CPXM2: variants seen among roughly 807,000 people sequenced by gnomAD.
CPXM2 encodes carboxypeptidase X, M14 family member 2.
In CPXM2, 66 loss-of-function variants were observed where a neutral mutation model predicts 86.1. That is an observed-to-expected ratio of 0.77 (90% CI 0.63 to 0.94). The LOEUF is 0.94. Among genes scored for constraint, CPXM2 ranks in the 40% least tolerant of loss-of-function variants. The probability of loss-of-function intolerance (pLI) is 0.00; values close to 1 mark genes in which losing one functional copy is unlikely to be tolerated. For missense variants in CPXM2, 948 were observed against 1,026.3 expected, an observed-to-expected ratio of 0.92 and a Z score of 1.04; for synonymous variants, 388 against 400.2, an observed-to-expected ratio of 0.97 and a Z score of 0.36.
chr10:123,942,534 C>T (rs926292090), upstream of CPXM2, among the ~76,000 whole-genome samples: 1 of 152,180 alleles, frequency 6.6e-6, no homozygotes, highest in Non-Finnish European at 1.5e-5. Context: ...CCACCAGCAC[C>T]ACGACAGTTT....
chr10:123,793,033 G>A (rs1409269226), intron 6 of CPXM2, among the ~76,000 whole-genome samples: 1 of 152,164 alleles, frequency 6.6e-6, no homozygotes, highest in East Asian at 1.9e-4. Flanking sequence ...TTATTTGAAT[G>A]TTTTATGAAA....
intron 2 of CPXM2, among the ~76,000 whole-genome samples, chr10:123,900,291 T>G (rs960535242): frequency 2.0e-5 from 3 of 152,126 alleles, no homozygotes; most frequent in Non-Finnish European, 4.4e-5. Context: ...ATCTGCCTGC[T>G]TTGGCCTCCC....
intron 9 of CPXM2, among the ~76,000 whole-genome samples, chr10:123,768,222 A>G (rs1014287065): frequency 6.6e-6 from 1 of 152,058 alleles, no homozygotes; most frequent in Non-Finnish European, 1.5e-5. Context: ...TACTAAAAAT[A>G]CAAAAATTAG....
chr10:123,925,138 G>A (rs1259323079), intron 2 of CPXM2, among the ~76,000 whole-genome samples: 6 of 151,588 alleles, frequency 4.0e-5, no homozygotes, highest in African/African-American at 1.5e-4. Context: ...CAGAGGGGTG[G>A]GAAGGGAGGG....
chr10:123,897,781 C>T (rs1564817288), intron 2 of CPXM2, among the ~76,000 whole-genome samples: 1 of 152,230 alleles, frequency 6.6e-6, no homozygotes, highest in South Asian at 2.1e-4. Context: ...AGGAACTCAG[C>T]GTGAGAAGCC....
chr10:123,838,269 T>C (rs1027824913), intron 4 of CPXM2, among the ~76,000 whole-genome samples: 1 of 152,144 alleles, frequency 6.6e-6, no homozygotes, highest in Admixed American at 6.5e-5. Flanking sequence ...CAAGACCACC[T>C]GGCCAACATG....
intron 4 of CPXM2, among the ~76,000 whole-genome samples, chr10:123,816,280 T>A (rs1056323118): frequency 6.6e-6 from 1 of 152,186 alleles, no homozygotes; most frequent in Non-Finnish European, 1.5e-5. Flanking sequence ...AATGCATAAT[T>A]GGCATAGACA....
rs754203827 is a variant in CPXM2, at chr10:123,862,689, G to A, written c.438C>T (p.Ile146=). The stretch of plus-strand genomic sequence containing the variant: ...TGGAGGCATGGAGCTGGAAGTCTGT[G>A]ATTTTTAAGGTTTCCAGACCAAGAG... ...CPPLGLETLK[I]TDFQLHASTV... The change falls in exon 3 of 14, where the codon ATC becomes ATT. Residue 146 remains isoleucine, a synonymous_variant. Transcript: ENST00000241305. 6.2e-6 allele frequency: 10 copies of A among 1,612,680 alleles called. No individual in the cohort carries two copies. Among genetic ancestry groups the A allele is most frequent in the Admixed American group, 1.7e-5 (1 of 59,860 alleles).
rs1481124044 is a variant in CPXM2, at chr10:123,746,994, G to A, written c.2041C>T (p.Leu681Phe). ...ACCACATACTCTCCAGGGTTCAGGA[G>A]GCGCCAGTAATCCCCATCGTTGGCT... ...RTANDGDYWR[L>F]LNPGEYVVTA... Residue 681 changes from leucine to phenylalanine, a missense_variant, in exon 14 of 14, where the codon CTC (leucine) becomes TTC (phenylalanine). Coordinates refer to ENST00000241305, the MANE Select transcript of CPXM2 (RefSeq NM_198148.3). 1.9e-6 allele frequency: 3 copies of A among 1,614,148 alleles called. No homozygotes were observed. In the Admixed American group the frequency reaches 5.0e-5, roughly 27 times the overall value.
At chr10:123,827,700 C>G (rs893480058) in intron 4 of CPXM2, among the ~76,000 whole-genome samples, 3 of 152,034 alleles carry the variant, frequency 2.0e-5, no homozygotes, top group Admixed American at 1.3e-4. Flanking sequence ...GTTTTTGTAG[C>G]TATAAACAAG....
At chr10:123,748,731 C>T (rs1239607396) in intron 13 of CPXM2, among the ~76,000 whole-genome samples, 3 of 152,066 alleles carry the variant, frequency 2.0e-5, no homozygotes, top group Admixed American at 6.6e-5. Context: ...TTCAGGAGCA[C>T]GTCGACAGGC....
chr10:123,874,962 C>G (rs916793746), intron 2 of CPXM2, among the ~76,000 whole-genome samples: 3 of 152,184 alleles, frequency 2.0e-5, no homozygotes, highest in Admixed American at 2.0e-4. Flanking sequence ...GGAAGTATTT[C>G]TAGGCTGACA....
At chr10:123,882,661 CTCCCTGGGGCCTCCATGG>C (rs1227837633) in intron 1 of CPXM2, among the ~76,000 whole-genome samples, 2 of 152,218 alleles carry the variant, frequency 1.3e-5, no homozygotes, top group Non-Finnish European at 2.9e-5. Flanking sequence ...CCAGGGCCGC[CTCCCTGGGGCCTCCATGG>C]AACAGGCAGT....
chr10:123,903,659 C>T (rs919572443), intron 2 of CPXM2, among the ~76,000 whole-genome samples: 2 of 152,212 alleles, frequency 1.3e-5, no homozygotes. Flanking sequence ...GGGCATGGTT[C>T]TTCCTCATCT....
rs560635481 is a variant in CPXM2 at position 123,801,236 on chromosome 10, C to T, written c.654-2037G>A. On this transcript the variant is annotated intron_variant, in intron 4 of 13. Coordinates refer to ENST00000241305, the MANE Select transcript of CPXM2 (RefSeq NM_198148.3). ...TTCTCATGATAGTGAATAAGTCTCA[C>T]AAGACCTGACGGTTTTGTAAAGGGC... is the stretch of plus-strand genomic sequence containing the variant. 2.1e-3 allele frequency among the ~76,000 whole-genome samples: 318 copies of T among 152,324 alleles called. 5 individuals are homozygous for T. The highest frequency in any genetic ancestry group is 7.8e-4 in the Non-Finnish European group (53 of 68,024).
chr10:123,839,526 C>T (rs1848342748), intron 4 of CPXM2, among the ~76,000 whole-genome samples: 1 of 151,986 alleles, frequency 6.6e-6, no homozygotes, highest in East Asian at 1.9e-4. Flanking sequence ...TAATGAGTGC[C>T]AAGACATGGA....
chr10:123,821,796 G>T (rs1254908436), intron 4 of CPXM2, among the ~76,000 whole-genome samples: 2 of 152,134 alleles, frequency 1.3e-5, no homozygotes, highest in Non-Finnish European at 2.9e-5. Flanking sequence ...TCATAGCAAA[G>T]AATTATCTGT....
In CPXM2 at chr10:123,771,824, A is replaced by G. The variant is rs537249994; in HGVS notation, c.979-785T>C. On this transcript the variant is annotated intron_variant, in intron 7 of 13. Transcript: ENST00000241305. ...TCTCACAACATCTGATGGTTTTATT[A>G]AGGGGCTTCCCCCTTCACTCAGCAC... Among the ~76,000 whole-genome samples the G allele has an allele frequency of 2.3e-3, 353 of 152,208 alleles. 1 individual carries two copies. The highest frequency in any genetic ancestry group is 3.7e-3 in the Non-Finnish European group (251 of 67,988).
intron 13 of CPXM2, among the ~76,000 whole-genome samples, chr10:123,752,891 G>A (rs940977867): frequency 2.6e-5 from 4 of 152,164 alleles, no homozygotes; most frequent in Non-Finnish European, 1.5e-5. Context: ...AACAGTCAAG[G>A]GCTCCTGACC....
Sources: gnomAD v4.1 joint callset for allele counts (sites outside exome capture counted in the v4.1 genomes callset) on GRCh38, gnomAD v4.1.1 for gene constraint, MANE v1.5 for transcripts, NCBI Gene and HGNC (gene_info 2026-07-23, HGNC 2026-07-21) for gene names.